The following KIAA1958 variants were observed in gnomAD, a reference collection of about 807,000 sequenced individuals.
KIAA1958 encodes KIAA1958.
KIAA1958 carries 14 observed loss-of-function variants against 47.2 expected under a neutral mutation model. The observed-to-expected ratio is 0.30, with a 90% confidence interval of 0.20 to 0.46. The LOEUF (loss-of-function observed/expected upper bound fraction) is 0.46, where lower values mean the gene tolerates loss of function less well. Among genes scored for constraint, KIAA1958 ranks in the 20% least tolerant of loss-of-function variants. The pLI is 1.00. For synonymous variants in KIAA1958, 354 were observed against 353.3 expected (o/e 1.00, Z -0.02); for missense variants, 803 against 909.2 (o/e 0.88, Z 1.50).
chr9:112,636,339 G>C (rs1033235702), intron 2 of KIAA1958, among the ~76,000 whole-genome samples: 1 of 151,888 alleles, frequency 6.6e-6, no homozygotes, highest in African/African-American at 2.4e-5. Context: ...ATACAAACTT[G>C]AAGAAATGTG....
At chr9:112,601,743 G>T (rs1169982693) in intron 2 of KIAA1958, among the ~76,000 whole-genome samples, 1 of 152,146 alleles carries the variant, frequency 6.6e-6, no homozygotes, top group East Asian at 1.9e-4. Context: ...GGTAAATTTT[G>T]TGTTCTATTT....
At chr9:112,501,573 A>G (rs544020790) in intron 1 of KIAA1958, among the ~76,000 whole-genome samples, 1 of 152,294 alleles carries the variant, frequency 6.6e-6, no homozygotes, top group South Asian at 2.1e-4. Context: ...TTAGAAGAAA[A>G]TCTTCCCTTT....
intron 2 of KIAA1958, among the ~76,000 whole-genome samples, chr9:112,624,818 G>A (rs1377775632): frequency 6.6e-6 from 1 of 152,208 alleles, no homozygotes; most frequent in Non-Finnish European, 1.5e-5. Context: ...GTGTGTTAAT[G>A]TAAACCATTG....
At chr9:112,580,323 T>TA (rs1319322946) in intron 2 of KIAA1958, among the ~76,000 whole-genome samples, 1 of 152,304 alleles carries the variant, frequency 6.6e-6, no homozygotes, top group East Asian at 1.9e-4. Flanking sequence ...GAAGAGTTGT[T>TA]ACGTGTTTTA....
chr9:112,626,460 T>A (rs1836611774), intron 2 of KIAA1958, among the ~76,000 whole-genome samples: 1 of 152,180 alleles, frequency 6.6e-6, no homozygotes, highest in Non-Finnish European at 1.5e-5. Flanking sequence ...ATTTTTACCA[T>A]TTATACATTC....
At chr9:112,532,390 T>C (rs890594116) in intron 1 of KIAA1958, among the ~76,000 whole-genome samples, 43 of 152,356 alleles carry the variant, frequency 2.8e-4, no homozygotes, top group African/African-American at 8.7e-4. Context: ...AGGGACTTCT[T>C]TTTGTCCTTA....
At chr9:112,628,139 A>G (rs1197861581) in intron 2 of KIAA1958, among the ~76,000 whole-genome samples, 1 of 152,166 alleles carries the variant, frequency 6.6e-6, no homozygotes, top group Non-Finnish European at 1.5e-5. Context: ...TTTTACACCA[A>G]CATGCCAGAT....
At chr9:112,501,834 AAAAAC>A (rs1224004597) in intron 1 of KIAA1958, among the ~76,000 whole-genome samples, 2 of 152,346 alleles carry the variant, frequency 1.3e-5, no homozygotes, top group African/African-American at 4.8e-5. Context: ...TCTTTCTTGA[AAAAAC>A]AAAAAGAAAA....
In KIAA1958 at chr9:112,660,292, C is replaced by T. The variant is rs376145903; in HGVS notation, c.*223C>T. The T allele has an allele frequency of 2.7e-5, 15 of 563,400 alleles. No individual in the cohort carries two copies. The highest frequency in any genetic ancestry group is 7.2e-5 in the South Asian group (3 of 41,844). The allele number at this position is 563,400 out of a possible 1,614,324, so 34.9% of individuals were successfully genotyped here. On this transcript the variant is annotated 3_prime_UTR_variant, in exon 4 of 4. Transcript: ENST00000337530. ...GGTTTATCCAAATGTGCGTCAACTT[C>T]GTTAGCTTTTAGAATCTAACACAAT... is the stretch of plus-strand genomic sequence containing the variant.
intron 2 of KIAA1958, among the ~76,000 whole-genome samples, chr9:112,613,104 T>G (rs1836354748): frequency 6.6e-6 from 1 of 152,092 alleles, no homozygotes; most frequent in African/African-American, 2.4e-5. Context: ...ACTGGTAACA[T>G]TGGTTGTTGT....
At chr9:112,546,732 G>A (rs904459599) in intron 1 of KIAA1958, among the ~76,000 whole-genome samples, 3 of 152,026 alleles carry the variant, frequency 2.0e-5, no homozygotes, top group Non-Finnish European at 2.9e-5. Context: ...TGAATTTTAT[G>A]TTTCTCAGAG....
intron 2 of KIAA1958, among the ~76,000 whole-genome samples, chr9:112,609,427 T>C (rs760019095): frequency 3.3e-5 from 5 of 152,228 alleles, no homozygotes; most frequent in Non-Finnish European, 7.4e-5. Context: ...TTGCAGTAAA[T>C]ATAGGAATTT....
intron 1 of KIAA1958, among the ~76,000 whole-genome samples, chr9:112,502,246 A>G (rs1235212980): frequency 1.3e-5 from 2 of 152,266 alleles, no homozygotes; most frequent in East Asian, 3.8e-4. Flanking sequence ...CAAATTGAAT[A>G]CATGTGACTA....
At chr9:112,510,877 A>T (rs575202364) in intron 1 of KIAA1958, among the ~76,000 whole-genome samples, 11 of 152,234 alleles carry the variant, frequency 7.2e-5, no homozygotes, top group Non-Finnish European at 1.3e-4. Context: ...GTGAAGAAGC[A>T]AATTGTGTAA....
intron 1 of KIAA1958, among the ~76,000 whole-genome samples, chr9:112,520,926 T>C (rs1834529143): frequency 1.3e-5 from 2 of 152,204 alleles, no homozygotes; most frequent in African/African-American, 2.4e-5. Flanking sequence ...AATGATTTCT[T>C]TAAATCTTTT....
chr9:112,640,835 C>T (rs1836878098), intron 2 of KIAA1958, among the ~76,000 whole-genome samples: 2 of 152,192 alleles, frequency 1.3e-5, no homozygotes, highest in African/African-American at 2.4e-5. Flanking sequence ...AAGTCCTCCA[C>T]GTGCATGAAT....
chr9:112,565,292 C>T (rs1258581202), intron 1 of KIAA1958, among the ~76,000 whole-genome samples: 1 of 152,162 alleles, frequency 6.6e-6, no homozygotes, highest in Non-Finnish European at 1.5e-5. Context: ...TTTGTAGAAA[C>T]GGGGTGTTAC....
chr9:112,648,473 A>G (rs1837012157), intron 3 of KIAA1958, among the ~76,000 whole-genome samples: 1 of 152,212 alleles, frequency 6.6e-6, no homozygotes, highest in African/African-American at 2.4e-5. Context: ...TGAGGAAGCT[A>G]TCTGAGGCTG....
intron 1 of KIAA1958, among the ~76,000 whole-genome samples, chr9:112,547,220 T>C (rs1284287028): frequency 1.1e-5 from 1 of 91,612 alleles, no homozygotes; most frequent in African/African-American, 4.6e-5. Flanking sequence ...CTACTAAAAA[T>C]ACCAAAAAAT....
Sources: allele counts gnomAD v4.1 joint callset (sites outside exome capture counted in the v4.1 genomes callset), GRCh38; gene constraint gnomAD v4.1.1; transcripts MANE v1.5; gene names NCBI Gene and HGNC (gene_info 2026-07-23, HGNC 2026-07-21).